The following NRXN1 variants were observed in gnomAD, a reference collection of about 807,000 sequenced individuals.
The protein encoded by NRXN1 is neurexin 1.
NRXN1 carries 39 observed loss-of-function variants against 150.9 expected under a neutral mutation model. That is an observed-to-expected ratio of 0.26 (90% confidence interval 0.20 to 0.34). The LOEUF (loss-of-function observed/expected upper bound fraction) is 0.34. Among genes scored for constraint, NRXN1 ranks in the 10% least tolerant of loss-of-function variants. The pLI, the probability that NRXN1 is intolerant of heterozygous loss-of-function variation, is 1.00. For missense variants in NRXN1, 1,815 were observed against 1,949.9 expected, an observed-to-expected ratio of 0.93 and a Z score of 1.30; for synonymous variants, 924 against 757.0, an observed-to-expected ratio of 1.22 and a Z score of -3.62.
chr2:50,145,386 G>T (rs1480820714), intron 18 of NRXN1, among the ~76,000 whole-genome samples: 3 of 151,342 alleles, frequency 2.0e-5, no homozygotes, highest in Non-Finnish European at 4.4e-5. Flanking sequence ...CTTAAATATT[G>T]TGTATTTCCT....
intron 17 of NRXN1, among the ~76,000 whole-genome samples, chr2:50,270,865 G>C (rs1303401550): frequency 6.6e-6 from 1 of 151,962 alleles, no homozygotes; most frequent in Non-Finnish European, 1.5e-5. Flanking sequence ...CACCACGTTG[G>C]CCAGGCTGGT....
chr2:50,421,762 G>A (rs1164882878), intron 17 of NRXN1, among the ~76,000 whole-genome samples: 1 of 152,126 alleles, frequency 6.6e-6, no homozygotes, highest in Non-Finnish European at 1.5e-5. Flanking sequence ...GTTAAAAAGT[G>A]ATAAACTAGT....
At chr2:50,384,323 G>A (rs1419198643) in intron 17 of NRXN1, among the ~76,000 whole-genome samples, 2 of 151,800 alleles carry the variant, frequency 1.3e-5, no homozygotes, top group Non-Finnish European at 1.5e-5. Flanking sequence ...TGGCCAACAC[G>A]GTGAAACCCC....
chr2:50,890,201 A>G (rs1002917325), intron 5 of NRXN1, among the ~76,000 whole-genome samples: 1 of 151,818 alleles, frequency 6.6e-6, no homozygotes, highest in Non-Finnish European at 1.5e-5. Flanking sequence ...TGTTATGTTT[A>G]GCAAAACAAA....
rs1490836083 is a variant in NRXN1 at position 50,389,806 on chromosome 2, T to C, written c.3364+75636A>G. On this transcript the variant is annotated intron_variant, in intron 17 of 22. Coordinates refer to ENST00000401669, the MANE Select transcript of NRXN1 (RefSeq NM_001330078.2). Reference sequence around the variant, plus strand: ...GAGAGTAACTGGAATGTAGTGGATATACATATCGTTAAAAAAGCTGTTGAA... The same window carrying C: ...GAGAGTAACTGGAATGTAGTGGATACACATATCGTTAAAAAAGCTGTTGAA... Among the ~76,000 whole-genome samples, 3 of 152,166 alleles carry C rather than the reference T, an allele frequency of 2.0e-5. No homozygotes were observed. The East Asian group carries it at 5.8e-4, about 29-fold the overall frequency.
chr2:50,431,824 G>A (rs1283216109), intron 17 of NRXN1, among the ~76,000 whole-genome samples: 2 of 151,432 alleles, frequency 1.3e-5, no homozygotes, highest in African/African-American at 4.9e-5. Flanking sequence ...GCACAAGATG[G>A]TTCTCAACTT....
intron 17 of NRXN1, among the ~76,000 whole-genome samples, chr2:50,253,174 T>C (rs1443850219): frequency 6.6e-6 from 1 of 152,140 alleles, no homozygotes; most frequent in Non-Finnish European, 1.5e-5. Context: ...TTTGTAGTAA[T>C]TGTGAATGGG....
chr2:51,027,276 GA>G (rs1446945061), intron 2 of NRXN1, among the ~76,000 whole-genome samples: 1 of 152,210 alleles, frequency 6.6e-6, no homozygotes, highest in Non-Finnish European at 1.5e-5. Context: ...AAGGTCTCCA[GA>G]AGGAACTCAA....
intron 17 of NRXN1, among the ~76,000 whole-genome samples, chr2:50,428,137 G>A (rs750770720): frequency 2.0e-4 from 30 of 152,150 alleles, no homozygotes; most frequent in Admixed American, 2.6e-4. Context: ...GGCAAGGCGA[G>A]GCTCTGTGGC....
intron 5 of NRXN1, among the ~76,000 whole-genome samples, chr2:50,825,051 A>C (rs1474617428): frequency 1.3e-5 from 2 of 152,102 alleles, no homozygotes; most frequent in African/African-American, 4.8e-5. Context: ...CCTTTATATA[A>C]CTTGCCACCA....
chr2:50,328,261 T>C (rs1264698676), intron 17 of NRXN1, among the ~76,000 whole-genome samples: 2 of 152,130 alleles, frequency 1.3e-5, no homozygotes, highest in African/African-American at 4.8e-5. Context: ...CTAGTGTATT[T>C]TATGTGTGGC....
intron 17 of NRXN1, among the ~76,000 whole-genome samples, chr2:50,414,780 T>A (rs1226927218): frequency 2.0e-5 from 3 of 152,142 alleles, no homozygotes; most frequent in Admixed American, 2.0e-4. Flanking sequence ...ATTTTGAATT[T>A]CTATATTAAT....
At chr2:50,622,032 T>C (rs541190690) in intron 6 of NRXN1, among the ~76,000 whole-genome samples, 6 of 152,214 alleles carry the variant, frequency 3.9e-5, no homozygotes, top group East Asian at 3.9e-4. Flanking sequence ...TCTGGTTTCT[T>C]TGTGCATATC....
chr2:50,415,242 T>G (rs2083454427), intron 17 of NRXN1, among the ~76,000 whole-genome samples: 1 of 152,186 alleles, frequency 6.6e-6, no homozygotes, highest in Non-Finnish European at 1.5e-5. Context: ...ATACATTAAA[T>G]TACAGTTAAA....
chr2:50,810,764 G>A (rs1668104485), intron 5 of NRXN1, among the ~76,000 whole-genome samples: 1 of 152,146 alleles, frequency 6.6e-6, no homozygotes. Context: ...GGTGGATCAA[G>A]AGGTCAGGAG....
intron 17 of NRXN1, among the ~76,000 whole-genome samples, chr2:50,242,817 G>C (rs561860039): frequency 9.9e-5 from 15 of 151,856 alleles, no homozygotes; most frequent in Non-Finnish European, 4.4e-5. Flanking sequence ...TAGCTAAAGA[G>C]ATTGGAGAAT....
At chr2:49,964,270 A>G (rs1215061102) in intron 21 of NRXN1, among the ~76,000 whole-genome samples, 1 of 152,128 alleles carries the variant, frequency 6.6e-6, no homozygotes, top group African/African-American at 2.4e-5. Context: ...TAAAATTTAA[A>G]ACATAATCAC....
intron 22 of NRXN1, among the ~76,000 whole-genome samples, chr2:49,935,463 C>G (rs145464833): frequency 3.3e-5 from 5 of 152,080 alleles, no homozygotes; most frequent in African/African-American, 1.2e-4. Context: ...GTAAAGTATT[C>G]TGGTCTTTGC....
chr2:50,935,779 A>G (rs1688455294), intron 2 of NRXN1, among the ~76,000 whole-genome samples: 1 of 152,024 alleles, frequency 6.6e-6, no homozygotes, highest in Non-Finnish European at 1.5e-5. Flanking sequence ...AGAAAAAAAA[A>G]AGTGGCAAAA....
Sources: gnomAD v4.1 joint callset for allele counts (sites outside exome capture counted in the v4.1 genomes callset) on GRCh38, gnomAD v4.1.1 for gene constraint, MANE v1.5 for transcripts, NCBI Gene and HGNC (gene_info 2026-07-23, HGNC 2026-07-21) for gene names.